Variants in SRGAP2B observed in about 807,000 individuals in gnomAD.
SRGAP2B encodes SLIT-ROBO Rho GTPase activating protein 2B.
In SRGAP2B, 9 loss-of-function variants were observed where a neutral mutation model predicts 22.2. That is an observed-to-expected ratio of 0.41 (90% CI 0.24 to 0.71). SRGAP2B has a LOEUF of 0.71. Among genes scored for constraint, SRGAP2B ranks in the 30% least tolerant of loss-of-function variants. SRGAP2B has a pLI of 0.35. For missense variants in SRGAP2B, 114 were observed against 235.8 expected (o/e 0.48, Z 3.38); for synonymous variants, 36 against 87.4 (o/e 0.41, Z 3.28).
rs1647306519 is a variant in SRGAP2B, at chr1:145,022,923, T to C, written c.68-27723A>G. On this transcript the variant is annotated intron_variant, in intron 2 of 9. Coordinates refer to ENST00000612199, the Ensembl canonical transcript of SRGAP2B. ...GGCTCACACTTGTAATCCCAGCACT[T>C]TGGGAGGCCCAGGCTGGTGGATCAC... 2.7e-5 allele frequency among the ~76,000 whole-genome samples: 4 copies of C among 149,334 alleles called. No individual in the cohort carries two copies. The South Asian group carries it at 8.4e-4, about 31-fold the overall frequency.
At chr1:144,980,842 C>T (rs1669275005) in intron 3 of SRGAP2B, among the ~76,000 whole-genome samples, 2 of 150,570 alleles carry the variant, frequency 1.3e-5, no homozygotes, top group African/African-American at 2.5e-5. Context: ...GTCTTTACTT[C>T]AATTAACCAG....
At chr1:144,929,377 G>A (rs1665012562) in intron 4 of SRGAP2B, among the ~76,000 whole-genome samples, 1 of 149,494 alleles carries the variant, frequency 6.7e-6, no homozygotes, top group East Asian at 2.0e-4. Flanking sequence ...AGAAATCATT[G>A]CCTAATCCAA....
exon 10 of SRGAP2B, chr1:144,891,603 A>AAAGGGTCCAACTG (rs1662118006): frequency 7.3e-6 from 1 of 137,636 alleles, no homozygotes; most frequent in Admixed American, 7.1e-5. Context: ...AAAAGAGAAA[A>AAAGGGTCCAACTG]AAGGGTCCAA....
At chr1:145,006,105 A>T (rs1262664828) in intron 2 of SRGAP2B, among the ~76,000 whole-genome samples, 1 of 150,598 alleles carries the variant, frequency 6.6e-6, no homozygotes, top group African/African-American at 2.5e-5. Context: ...CTGCGGCGTG[A>T]CTCTCAATCC....
At chr1:144,944,454 G>A (rs1191072787) in intron 4 of SRGAP2B, among the ~76,000 whole-genome samples, 1 of 148,790 alleles carries the variant, frequency 6.7e-6, no homozygotes, top group Non-Finnish European at 1.5e-5. Flanking sequence ...AAGCATGATG[G>A]TACACACCTG....
chr1:145,010,077 GAGTCATCACTCAAGTGTAAAAA>G (rs1671942312), intron 2 of SRGAP2B, among the ~76,000 whole-genome samples: 1 of 144,010 alleles, frequency 6.9e-6, no homozygotes, highest in Non-Finnish European at 1.5e-5. Flanking sequence ...AGGAGAAGCT[GAGTCATCACTCAAGTGTAAAAA>G]AGGTTCAGAC....
chr1:145,015,803 G>A (rs1248758882), intron 2 of SRGAP2B, among the ~76,000 whole-genome samples: 1 of 61,986 alleles, frequency 1.6e-5, no homozygotes, highest in Non-Finnish European at 3.0e-5. Flanking sequence ...AGATGAGACT[G>A]TTGAAAGAAG....
rs781956069 is a variant in SRGAP2B, at chr1:145,047,131, G to A, written c.67+45704C>T. 7.2e-4 allele frequency among the ~76,000 whole-genome samples: 96 copies of A among 133,758 alleles called. 1 individual carries two copies. Among genetic ancestry groups the A allele is most frequent in the Non-Finnish European group, 1.2e-3 (80 of 64,642 alleles). The allele number at this position is 133,758 out of a possible 152,430, so 87.8% of individuals were successfully genotyped here. On this transcript the variant is annotated intron_variant, in intron 2 of 9. Transcript: ENST00000612199. Reference sequence around the variant, plus strand: ...GCGGAGGCTGCAATGAGCCAAGATCGCACCACTGCACCCCAGACTGGGCAA... The same window carrying A: ...GCGGAGGCTGCAATGAGCCAAGATCACACCACTGCACCCCAGACTGGGCAA...
At chr1:144,987,778 G>A (rs1407365802) in intron 3 of SRGAP2B, among the ~76,000 whole-genome samples, 2 of 151,084 alleles carry the variant, frequency 1.3e-5, no homozygotes, top group Non-Finnish European at 3.0e-5. Flanking sequence ...AGCAATGCTT[G>A]TGCTGTGCAC....
At chr1:144,942,496 T>C (rs1395296927) in intron 4 of SRGAP2B, among the ~76,000 whole-genome samples, 1 of 150,628 alleles carries the variant, frequency 6.6e-6, no homozygotes, top group Admixed American at 6.6e-5. Flanking sequence ...CTTGGCTCAC[T>C]GCAACCTCTG....
At position 145,010,425 on chromosome 1, in the gene SRGAP2B, CA is replaced by C. The variant is rs1387826055; in HGVS notation, c.68-15226del. On this transcript the variant is annotated intron_variant, in intron 2 of 9. Coordinates refer to ENST00000612199, the Ensembl canonical transcript of SRGAP2B. ...ACACGAATTACCTAATTCTTCCAGA[CA>C]ATCATCTAAAGTGAAGATATAACTA... Among the ~76,000 whole-genome samples the C allele has an allele frequency of 5.3e-5, 7 of 131,382 alleles. 1 individual carries two copies. Among genetic ancestry groups the C allele is most frequent in the African/African-American group, 2.2e-4 (7 of 31,630 alleles). 86.2% of individuals were successfully genotyped at this position (131,382 alleles called of 152,430 possible). A position where few individuals can be genotyped will look rare whatever the true frequency, so the allele number is the denominator to read the frequency against.
At chr1:144,982,597 AC>A (rs1669389018) in intron 3 of SRGAP2B, among the ~76,000 whole-genome samples, 4 of 150,976 alleles carry the variant, frequency 2.6e-5, no homozygotes, top group Non-Finnish European at 5.9e-5. Context: ...GGTAAGTATT[AC>A]TGTCAACATT....
chr1:145,009,076 C>T (rs1353949988), intron 2 of SRGAP2B, among the ~76,000 whole-genome samples: 6 of 144,356 alleles, frequency 4.2e-5, no homozygotes. Context: ...ACTCAGGAGG[C>T]TGAGGCAGGA....
intron 3 of SRGAP2B, among the ~76,000 whole-genome samples, chr1:144,991,721 T>TG (rs1670251230): frequency 6.8e-6 from 1 of 147,876 alleles, no homozygotes; most frequent in African/African-American, 2.6e-5. Flanking sequence ...GCTGCTCTGG[T>TG]GGGGCCTTAG....
chr1:144,980,105 G>T (rs11249382), intron 3 of SRGAP2B, among the ~76,000 whole-genome samples: 5 of 149,646 alleles, frequency 3.3e-5, no homozygotes. Flanking sequence ...GTCAATACAC[G>T]TAAGAAGCCA....
chr1:145,015,963 CAG>C (rs1484936243), intron 2 of SRGAP2B, among the ~76,000 whole-genome samples: 2 of 109,130 alleles, frequency 1.8e-5, no homozygotes, highest in Non-Finnish European at 3.7e-5. Context: ...TCCCCTCCAA[CAG>C]AGAGCCAAAG....
intron 2 of SRGAP2B, among the ~76,000 whole-genome samples, chr1:145,039,330 C>T (rs1648993517): frequency 2.4e-5 from 1 of 41,084 alleles, no homozygotes. Flanking sequence ...AAAAAATTAG[C>T]TGGGCTTGGT....
In SRGAP2B at chr1:144,956,736, C is replaced by T. The variant is rs1553610400; in HGVS notation, c.261-1135G>A. 4.7e-5 allele frequency among the ~76,000 whole-genome samples: 7 copies of T among 150,484 alleles called. No individual in the cohort carries two copies. The South Asian group carries it at 1.3e-3, about 27-fold the overall frequency. On this transcript the variant is annotated intron_variant, in intron 3 of 9. Coordinates refer to ENST00000612199, the Ensembl canonical transcript of SRGAP2B. ...GTGCTGGGATTATAGGAGTGAGCCACCGCGCCCGGCCCTAGATGCTCATTT... is the reference window on the plus strand; with the variant it reads ...GTGCTGGGATTATAGGAGTGAGCCATCGCGCCCGGCCCTAGATGCTCATTT...
chr1:145,020,840 C>T (rs1400282003), intron 2 of SRGAP2B, among the ~76,000 whole-genome samples: 1 of 150,558 alleles, frequency 6.6e-6, no homozygotes, highest in East Asian at 1.9e-4. Context: ...CACTCTGTCA[C>T]CCAGGCTGGA....
Sources: gnomAD v4.1 joint callset for allele counts (sites outside exome capture counted in the v4.1 genomes callset) on GRCh38, gnomAD v4.1.1 for gene constraint, MANE v1.5 for transcripts, NCBI Gene and HGNC (gene_info 2026-07-23, HGNC 2026-07-21) for gene names.